The following CADM2 variants were observed in gnomAD, a reference collection of about 807,000 sequenced individuals.
CADM2 encodes immunoglobulin superfamily member 4D.
CADM2 carries 12 observed loss-of-function variants against 49.8 expected under a neutral mutation model. The observed-to-expected ratio is 0.24, with a 90% CI of 0.15 to 0.39. The LOEUF (loss-of-function observed/expected upper bound fraction) is 0.39. Among genes scored for constraint, CADM2 ranks in the 10% least tolerant of loss-of-function variants. CADM2 has a pLI of 1.00. For synonymous variants in CADM2, 214 were observed against 175.4 expected, an observed-to-expected ratio of 1.22 and a Z score of -1.74; for missense variants, 378 against 492.3, an observed-to-expected ratio of 0.77 and a Z score of 2.20.
chr3:85,328,910 A>AC (rs2044830929), intron 1 of CADM2, among the ~76,000 whole-genome samples: 1 of 151,746 alleles, frequency 6.6e-6, no homozygotes, highest in African/African-American at 2.4e-5. Context: ...CAAAAAAAAA[A>AC]AAAAAAAGTT....
chr3:85,233,329 T>TA (rs2042339741), intron 1 of CADM2, among the ~76,000 whole-genome samples: 1 of 152,042 alleles, frequency 6.6e-6, no homozygotes, highest in African/African-American at 2.4e-5. Flanking sequence ...TATTATGCAT[T>TA]TGTCAGAACC....
chr3:85,184,127 G>C (rs2040997381), intron 1 of CADM2, among the ~76,000 whole-genome samples: 1 of 152,036 alleles, frequency 6.6e-6, no homozygotes, highest in South Asian at 2.1e-4. Flanking sequence ...TAGTTAAGAT[G>C]TATGTGTGAG....
At chr3:85,928,420 G>A (rs1720172457) in intron 6 of CADM2, among the ~76,000 whole-genome samples, 1 of 152,120 alleles carries the variant, frequency 6.6e-6, no homozygotes, top group African/African-American at 2.4e-5. Context: ...GCCTCCGAAA[G>A]TGCTGGGATT....
chr3:85,048,998 A>T (rs2035773889), intron 1 of CADM2, among the ~76,000 whole-genome samples: 1 of 152,166 alleles, frequency 6.6e-6, no homozygotes, highest in Non-Finnish European at 1.5e-5. Context: ...GGGAAAAATA[A>T]TGGATGGTAG....
intron 1 of CADM2, among the ~76,000 whole-genome samples, chr3:85,059,549 A>T (rs1022240440): frequency 2.6e-5 from 4 of 152,140 alleles, no homozygotes; most frequent in African/African-American, 7.2e-5. Flanking sequence ...GTCTCCACCC[A>T]AATCTAATCT....
At chr3:85,013,142 T>TAAAA (rs56736286) in intron 1 of CADM2, among the ~76,000 whole-genome samples, 2 of 143,964 alleles carry the variant, frequency 1.4e-5, no homozygotes, top group African/African-American at 5.1e-5. Flanking sequence ...CACTGGAAAT[T>TAAAA]AAAAAAAAAA....
chr3:86,015,811 AG>A lies in CADM2; in HGVS notation c.971-49792del, dbSNP rs1417742742. Among the ~76,000 whole-genome samples, 7 of 152,320 alleles carry A rather than the reference AG, an allele frequency of 4.6e-5. No homozygotes were observed. In the East Asian group the frequency reaches 1.4e-3, roughly 29 times the overall value. On this transcript the variant is annotated intron_variant, in intron 8 of 9. Coordinates refer to ENST00000383699, the MANE Select transcript of CADM2 (RefSeq NM_001167675.2). ...TGTTTCATGGTTAAGACGGAATCAG[AG>A]GCCATGGGTACTGACAACTGACTTG...
At chr3:85,481,688 C>A (rs1471082204) in intron 1 of CADM2, among the ~76,000 whole-genome samples, 16 of 151,614 alleles carry the variant, frequency 1.1e-4, no homozygotes, top group Admixed American at 1.1e-3. Context: ...CATTTAATAT[C>A]CCCTAGCACA....
At chr3:85,543,420 A>ATGTGTGTGGGGGGGTG (rs372108050) in intron 1 of CADM2, among the ~76,000 whole-genome samples, 1 of 129,584 alleles carries the variant, frequency 7.7e-6, no homozygotes, top group Non-Finnish European at 1.7e-5. Context: ...TGCCAAGCTA[A>ATGTGTGTGGGGGGGTG]TGTGTGTGTG....
chr3:85,300,288 A>G (rs1216234979), intron 1 of CADM2, among the ~76,000 whole-genome samples: 1 of 152,126 alleles, frequency 6.6e-6, no homozygotes, highest in African/African-American at 2.4e-5. Context: ...GAAAAAAAGT[A>G]CATTTGTGAG....
chr3:85,044,291 G>T (rs1437618860), intron 1 of CADM2, among the ~76,000 whole-genome samples: 1 of 141,134 alleles, frequency 7.1e-6, no homozygotes, highest in Non-Finnish European at 1.5e-5. Context: ...CTATTCAGTA[G>T]TAAAAGAAAT....
intron 2 of CADM2, among the ~76,000 whole-genome samples, chr3:85,772,376 T>C (rs2070137825): frequency 6.6e-6 from 1 of 152,124 alleles, no homozygotes; most frequent in African/African-American, 2.4e-5. Flanking sequence ...TATGTGTATG[T>C]ATGCAGAAAA....
At chr3:85,844,575 T>C in intron 3 of CADM2, among the ~76,000 whole-genome samples, 1 of 152,140 alleles carries the variant, frequency 6.6e-6, no homozygotes, top group East Asian at 1.9e-4. Flanking sequence ...CAACACTTTC[T>C]GAAGTAAATA....
chr3:85,005,475 A>G (rs984398963), intron 1 of CADM2, among the ~76,000 whole-genome samples: 5 of 152,026 alleles, frequency 3.3e-5, no homozygotes, highest in Non-Finnish European at 5.9e-5. Context: ...AATTCATCCT[A>G]GTTTCTTTAT....
chr3:85,805,532 G>T (rs1203218749), intron 3 of CADM2: 1 of 152,058 alleles, frequency 6.6e-6, no homozygotes, highest in East Asian at 1.9e-4. Flanking sequence ...GTTCCCAAGA[G>T]TGGTTCAATT....
chr3:85,543,433 T>TGTGTGTGTGGGTGTGG (rs1559899024), intron 1 of CADM2, among the ~76,000 whole-genome samples: 4 of 148,034 alleles, frequency 2.7e-5, no homozygotes, highest in Admixed American at 6.8e-5. Context: ...TGTGTGTGTG[T>TGTGTGTGTGGGTGTGG]GTGTGTGTGT....
intron 1 of CADM2, among the ~76,000 whole-genome samples, chr3:85,566,840 G>A (rs1163770493): frequency 2.0e-5 from 3 of 152,154 alleles, no homozygotes; most frequent in Non-Finnish European, 2.9e-5. Context: ...TCTTTTCTAT[G>A]AGGAAGAATA....
rs375715877 is a variant in CADM2, at chr3:85,739,079, AAAC to A, written c.88+12533_88+12535del. On this transcript the variant is annotated intron_variant, in intron 2 of 9. Coordinates refer to ENST00000383699, the MANE Select transcript of CADM2 (RefSeq NM_001167675.2). Reference sequence around the variant, plus strand: ...TGGCAAAAAATTACCCCAGGAAAATAAACATCACCATTTTGCCCTACATGATGA... The same window carrying A: ...TGGCAAAAAATTACCCCAGGAAAATAATCACCATTTTGCCCTACATGATGA... Among the ~76,000 whole-genome samples, 73 of 152,278 alleles carry A rather than the reference AAAC, an allele frequency of 4.8e-4. No individual in the cohort carries two copies. The East Asian group carries it at 0.013, about 26-fold the overall frequency.
chr3:85,404,608 C>T (rs190383759), intron 1 of CADM2, among the ~76,000 whole-genome samples: 16 of 152,174 alleles, frequency 1.1e-4, no homozygotes, highest in Non-Finnish European at 1.5e-4. Context: ...ACAATCCTAA[C>T]GGAAGGTAAT....
Sources: allele counts gnomAD v4.1 joint callset (sites outside exome capture counted in the v4.1 genomes callset), GRCh38; gene constraint gnomAD v4.1.1; transcripts MANE v1.5; gene names NCBI Gene and HGNC (gene_info 2026-07-23, HGNC 2026-07-21).